DDX19B: variants seen among roughly 807,000 people sequenced by gnomAD.
DDX19B encodes DEAD-box helicase 19B.
DDX19B carries 27 observed loss-of-function variants against 58.1 expected under a neutral mutation model. The ratio of observed to expected loss-of-function variants is 0.46; its 90% CI spans 0.34 to 0.64. The LOEUF (loss-of-function observed/expected upper bound fraction) is 0.64, where lower values mean the gene tolerates loss of function less well. DDX19B is among the 30% of genes least tolerant of loss of function. The pLI is 0.01. For missense variants in DDX19B, 399 were observed against 596.5 expected (o/e 0.67, Z 3.45); for synonymous variants, 187 against 214.4 (o/e 0.87, Z 1.12).
chr16:70,293,760 C>T (rs955676442), upstream of DDX19B, among the ~76,000 whole-genome samples: 15 of 150,146 alleles, frequency 1.0e-4, 1 homozygote, highest in South Asian at 2.1e-4. Context: ...TACAGGCGCC[C>T]GCCACCGTGC....
Position 70,299,225 on chromosome 16 carries a change from CCCCCGGAGCCCACGAT to C in DDX19B, c.-69_-54del. The C allele has an allele frequency of 1.4e-6, 2 of 1,457,632 alleles. No homozygotes were observed. Among genetic ancestry groups the C allele is most frequent in the African/African-American group, 2.9e-5 (2 of 69,802 alleles). The allele number at this position is 1,457,632 out of a possible 1,614,324, so 90.3% of individuals were successfully genotyped here. Reference sequence around the variant, plus strand: ...GGGCTGGAGCAGAGCCTGCCGCGAACCCCCGGAGCCCACGATCCCTCGTGCCATCCCTCGAATCCAC... The same window carrying C: ...GGGCTGGAGCAGAGCCTGCCGCGAACCCCTCGTGCCATCCCTCGAATCCAC... On this transcript the variant is annotated 5_prime_UTR_variant, in exon 1 of 12. Coordinates refer to ENST00000288071, the MANE Select transcript of DDX19B (RefSeq NM_007242.7).
rs565841533 is a variant in DDX19B, at chr16:70,317,086, T to C, written c.297-410T>C. ...AGCAGGGCATGTTGGCGGGTGCCTGTAGTACCAGGTACTCAGGAGGTTGAG... is the reference window on the plus strand; with the variant it reads ...AGCAGGGCATGTTGGCGGGTGCCTGCAGTACCAGGTACTCAGGAGGTTGAG... On this transcript the variant is annotated intron_variant, in intron 4 of 11. Coordinates refer to ENST00000288071, the MANE Select transcript of DDX19B (RefSeq NM_007242.7). Among the ~76,000 whole-genome samples the C allele has an allele frequency of 3.3e-5, 5 of 151,486 alleles. No homozygotes were observed. The East Asian group carries it at 5.8e-4, about 18-fold the overall frequency.
rs866545396 is a variant in DDX19B, at chr16:70,305,722, G to A, written c.57+6368G>A. Reference sequence around the variant, plus strand: ...ATAAATATGTGTTTCAAGTAGTTCTGAGAGGTTTTTTGTTTTTTTAATTAT... The same window carrying A: ...ATAAATATGTGTTTCAAGTAGTTCTAAGAGGTTTTTTGTTTTTTTAATTAT... On this transcript the variant is annotated intron_variant, in intron 1 of 11. Transcript: ENST00000288071. Among the ~76,000 whole-genome samples the A allele has an allele frequency of 2.6e-5, 4 of 151,252 alleles. No homozygotes were observed. The South Asian group carries it at 8.4e-4, about 32-fold the overall frequency.
chr16:70,290,891 C>G (rs1393003078), upstream of DDX19B, among the ~76,000 whole-genome samples: 1 of 152,166 alleles, frequency 6.6e-6, no homozygotes, highest in Non-Finnish European at 1.5e-5. Flanking sequence ...CTCCAAAGCC[C>G]ATGCTCTTAA....
upstream of DDX19B, among the ~76,000 whole-genome samples, chr16:70,290,549 A>C (rs1023644015): frequency 1.3e-5 from 2 of 152,054 alleles, no homozygotes; most frequent in African/African-American, 4.8e-5. Context: ...AAAAATAAAA[A>C]TTAGCCAGGC....
intron 5 of DDX19B, among the ~76,000 whole-genome samples, chr16:70,320,371 GTTT>G (rs778237372): frequency 7.9e-5 from 10 of 126,874 alleles, no homozygotes; most frequent in African/African-American, 1.2e-4. Context: ...GCCTCCCCCA[GTTT>G]TTTTTTTTTT....
intron 2 of DDX19B, 191 bp from the exon 3 acceptor site, chr16:70,314,711 T>C (rs1597478139): frequency 2.0e-6 from 1 of 500,980 alleles, no homozygotes; most frequent in South Asian, 1.5e-5. Flanking sequence ...TATATATATA[T>C]GTGAGCAACA....
upstream of DDX19B, among the ~76,000 whole-genome samples, chr16:70,296,554 C>T (rs1330804235): frequency 2.0e-5 from 3 of 152,076 alleles, no homozygotes; most frequent in Non-Finnish European, 2.9e-5. Context: ...GCAACTTGGG[C>T]GATGTAATTT....
chr16:70,326,852 T>TGA (rs1227929094), intron 7 of DDX19B, among the ~76,000 whole-genome samples: 2 of 147,780 alleles, frequency 1.4e-5, no homozygotes, highest in Admixed American at 6.7e-5. Flanking sequence ...CTTTTTTTTT[T>TGA]GAGAGAGAGT....
intron 5 of DDX19B, among the ~76,000 whole-genome samples, chr16:70,322,460 G>A (rs1417732534): frequency 1.3e-5 from 2 of 151,578 alleles, no homozygotes; most frequent in Admixed American, 6.6e-5. Flanking sequence ...GCATGGTGGT[G>A]CATACCAGTC....
At chr16:70,299,483 G>A in intron 1 of DDX19B, 129 bp downstream of exon 1, 1 of 1,148,662 alleles carries the variant, frequency 8.7e-7, no homozygotes, top group Non-Finnish European at 1.2e-6. Context: ...GATGGAGCCT[G>A]GACCCTGAGC....
At chr16:70,332,005 C>T (rs1963510657) in intron 10 of DDX19B, 121 bp downstream of exon 10, 1 of 1,411,580 alleles carries the variant, frequency 7.1e-7, no homozygotes, top group Admixed American at 2.6e-5. Flanking sequence ...GGGTTGGTGA[C>T]ACTATTCCTT....
At chr16:70,311,007 G>A (rs1056078295) in intron 1 of DDX19B, among the ~76,000 whole-genome samples, 2 of 151,116 alleles carry the variant, frequency 1.3e-5, no homozygotes, top group Non-Finnish European at 2.9e-5. Flanking sequence ...CTCCAGCCTG[G>A]GCAACAGAGC....
At chr16:70,327,041 A>G (rs901141694) in intron 7 of DDX19B, among the ~76,000 whole-genome samples, 17 of 150,216 alleles carry the variant, frequency 1.1e-4, no homozygotes, top group South Asian at 2.1e-4. Flanking sequence ...TCACTGTGTT[A>G]GCCAGGATGG....
intron 1 of DDX19B, among the ~76,000 whole-genome samples, chr16:70,305,357 T>C (rs1192994310): frequency 2.6e-5 from 4 of 152,192 alleles, no homozygotes; most frequent in Admixed American, 2.0e-4. Flanking sequence ...TGGCATCCCC[T>C]CCCTTAACTG....
chr16:70,292,339 G>GT (rs1316780792), upstream of DDX19B, among the ~76,000 whole-genome samples: 3 of 152,050 alleles, frequency 2.0e-5, no homozygotes, highest in Non-Finnish European at 4.4e-5. Flanking sequence ...AGAGATGAGG[G>GT]TTTCGCCATG....
intron 7 of DDX19B, among the ~76,000 whole-genome samples, chr16:70,329,046 T>C (rs892925519): frequency 6.2e-5 from 9 of 145,182 alleles, no homozygotes; most frequent in Non-Finnish European, 1.3e-4. Context: ...GAAACCCACC[T>C]CTACTAAAAA....
At chr16:70,324,349 T>G (rs1466669433) in intron 5 of DDX19B, among the ~76,000 whole-genome samples, 1 of 107,930 alleles carries the variant, frequency 9.3e-6, no homozygotes, top group Non-Finnish European at 1.7e-5. Context: ...GTCAACAGAG[T>G]GAGACCTAAT....
Position 70,317,886 on chromosome 16 carries a change from A to G in DDX19B, c.389+298A>G, listed in dbSNP as rs1962523841. The G allele has an allele frequency of 1.4e-5, 3 of 210,506 alleles. No individual in the cohort carries two copies. In the South Asian group the frequency reaches 2.3e-4, roughly 16 times the overall value. The allele number at this position is 210,506 out of a possible 1,614,324, so 13.0% of individuals were successfully genotyped here. A position where few individuals can be genotyped will look rare whatever the true frequency, so the allele number is the denominator to read the frequency against. ...CTTGAGCCCAGGAGTTTGAGGTTGC[A>G]GTGAACCATGATCATACCATTGTAC... On this transcript the variant is annotated intron_variant, in intron 5 of 11. Transcript: ENST00000288071.
Sources: gnomAD v4.1 joint callset for allele counts (sites outside exome capture counted in the v4.1 genomes callset) on GRCh38, gnomAD v4.1.1 for gene constraint, MANE v1.5 for transcripts, NCBI Gene and HGNC (gene_info 2026-07-23, HGNC 2026-07-21) for gene names.